Variants in BICD1 observed in about 807,000 individuals in gnomAD.
BICD1 encodes the protein BICD cargo adaptor 1, also known as protein bicaudal D homolog 1.
Under a neutral mutation model 92.5 loss-of-function variants are expected in BICD1, and 35 were observed. The ratio of observed to expected loss-of-function variants is 0.38; its 90% CI spans 0.29 to 0.50. BICD1 has a LOEUF of 0.50. Ranked by LOEUF, BICD1 falls within the 20% of genes least tolerant of loss-of-function variation. The pLI is 0.93. For missense variants in BICD1, 950 were observed against 1,189.8 expected (o/e 0.80, Z 2.97); for synonymous variants, 429 against 465.1 (o/e 0.92, Z 1.00).
At chr12:32,213,941 T>TTAGCAA (rs1278130063) in intron 1 of BICD1, among the ~76,000 whole-genome samples, 2 of 152,222 alleles carry the variant, frequency 1.3e-5, no homozygotes, top group African/African-American at 4.8e-5. Flanking sequence ...CTGTAACAGT[T>TTAGCAA]ATTAGTGTTT....
At chr12:32,286,204 T>G (rs1947560007) in intron 2 of BICD1, among the ~76,000 whole-genome samples, 1 of 152,204 alleles carries the variant, frequency 6.6e-6, no homozygotes, top group South Asian at 2.1e-4. Flanking sequence ...TTATGGTTAA[T>G]TCCCAGAGTA....
intron 8 of BICD1, among the ~76,000 whole-genome samples, chr12:32,355,611 G>C (rs1939064087): frequency 6.6e-6 from 1 of 152,126 alleles, no homozygotes; most frequent in Non-Finnish European, 1.5e-5. Context: ...AGACTAGCCT[G>C]GGCAACACGG....
At chr12:32,189,838 A>C (rs1168905562) in intron 1 of BICD1, among the ~76,000 whole-genome samples, 5 of 151,818 alleles carry the variant, frequency 3.3e-5, no homozygotes, top group African/African-American at 1.2e-4. Context: ...AGCTGGGACT[A>C]CAGGCACGCA....
intron 2 of BICD1, among the ~76,000 whole-genome samples, chr12:32,289,049 A>G (rs1438472213): frequency 6.6e-6 from 1 of 152,178 alleles, no homozygotes; most frequent in Non-Finnish European, 1.5e-5. Flanking sequence ...AAAGAGGAGT[A>G]TAGAAGCCTC....
intron 1 of BICD1, among the ~76,000 whole-genome samples, chr12:32,141,536 C>G (rs1942919647): frequency 6.6e-6 from 1 of 152,100 alleles, no homozygotes; most frequent in Non-Finnish European, 1.5e-5. Flanking sequence ...TGCAGTGGTG[C>G]AATCTCGGCT....
rs542831245 is a variant in BICD1, at chr12:32,107,937, C to G, written c.213+393C>G. On this transcript the variant is annotated intron_variant, in intron 1 of 9. Transcript: ENST00000652176. ...TCCACAAAAGTGATGAGGTTTGTGC[C>G]TGAGGACCCACAATTTCAGGATTTA... is the stretch of plus-strand genomic sequence containing the variant. 6.4e-5 allele frequency: 34 copies of G among 527,956 alleles called. No individual in the cohort carries two copies. In the African/African-American group the frequency reaches 6.5e-4, roughly 10 times the overall value. 32.7% of individuals were successfully genotyped at this position (527,956 alleles called of 1,614,324 possible).
rs532002821 is a variant in BICD1 at position 32,306,381 on chromosome 12, C to T, written c.1005+259C>T. Among the ~76,000 whole-genome samples the T allele has an allele frequency of 1.2e-4, 19 of 152,004 alleles. No homozygotes were observed. In the South Asian group the frequency reaches 1.3e-3, roughly 10 times the overall value. On this transcript the variant is annotated intron_variant, in intron 4 of 9. Transcript: ENST00000652176. ...GCCTCAGCCTCCCGAGTAGCTGGGACTACAGGTGCCCGCCACCATGCCCGG... is the reference window on the plus strand; with the variant it reads ...GCCTCAGCCTCCCGAGTAGCTGGGATTACAGGTGCCCGCCACCATGCCCGG...
chr12:32,142,430 A>C (rs1942960486), intron 1 of BICD1, among the ~76,000 whole-genome samples: 1 of 55,524 alleles, frequency 1.8e-5, no homozygotes, highest in South Asian at 7.1e-4. Flanking sequence ...AAAAAAAAAA[A>C]ACAAAAAACC....
At chr12:32,125,698 G>C (rs1942302175) in intron 1 of BICD1, among the ~76,000 whole-genome samples, 2 of 152,096 alleles carry the variant, frequency 1.3e-5, no homozygotes, top group Admixed American at 6.6e-5. Context: ...CGACTACTTG[G>C]TAAGGATGCT....
intron 3 of BICD1, among the ~76,000 whole-genome samples, chr12:32,295,565 T>C (rs1947844634): frequency 6.6e-6 from 1 of 151,878 alleles, no homozygotes; most frequent in East Asian, 1.9e-4. Context: ...ACTGATTGAT[T>C]GATTGATTGA....
At chr12:32,359,736 G>T (rs1194950892) in intron 8 of BICD1, among the ~76,000 whole-genome samples, 1 of 152,144 alleles carries the variant, frequency 6.6e-6, no homozygotes, top group South Asian at 2.1e-4. Flanking sequence ...CATGTTCTAT[G>T]ATAGCAATTG....
intron 3 of BICD1, 136 bp downstream of exon 3, chr12:32,294,282 C>T (rs2052771085): frequency 1.2e-6 from 1 of 862,116 alleles, no homozygotes; most frequent in African/African-American, 1.7e-5. Context: ...ACTGCAATGT[C>T]CCAACCCTCC....
intron 1 of BICD1, among the ~76,000 whole-genome samples, chr12:32,187,620 C>T (rs913983615): frequency 6.6e-6 from 1 of 151,858 alleles, no homozygotes; most frequent in Admixed American, 6.6e-5. Flanking sequence ...TGCAGTGAGC[C>T]AAGATTGTGC....
intron 8 of BICD1, among the ~76,000 whole-genome samples, chr12:32,351,594 G>C (rs1453211416): frequency 2.0e-5 from 3 of 149,848 alleles, no homozygotes; most frequent in African/African-American, 7.4e-5. Flanking sequence ...ATCTAGAGCA[G>C]GACTGTCATT....
intron 9 of BICD1, among the ~76,000 whole-genome samples, chr12:32,375,523 A>G (rs1033167914): frequency 6.6e-6 from 1 of 152,126 alleles, no homozygotes; most frequent in Non-Finnish European, 1.5e-5. Flanking sequence ...GTGAGATTCC[A>G]TATCAAAAAA....
intron 9 of BICD1, among the ~76,000 whole-genome samples, chr12:32,375,734 A>G (rs1038923424): frequency 2.6e-5 from 4 of 152,194 alleles, no homozygotes; most frequent in African/African-American, 9.7e-5. Flanking sequence ...AATAACCTCA[A>G]GCCAGTCAGA....
At chr12:32,144,221 T>A (rs1352794173) in intron 1 of BICD1, among the ~76,000 whole-genome samples, 2 of 152,226 alleles carry the variant, frequency 1.3e-5, no homozygotes, top group Non-Finnish European at 1.5e-5. Context: ...TCTTTCATAA[T>A]TAGTTCTTTA....
intron 1 of BICD1, chr12:32,108,700 A>C: frequency 2.9e-6 from 2 of 695,578 alleles, no homozygotes; most frequent in Non-Finnish European, 5.2e-6. Flanking sequence ...TTTAGTGTGT[A>C]ATATGGTAAG....
chr12:32,324,680 A>G (rs1207021414), intron 4 of BICD1, among the ~76,000 whole-genome samples: 2 of 151,956 alleles, frequency 1.3e-5, no homozygotes, highest in Non-Finnish European at 2.9e-5. Flanking sequence ...GGTTCAGGCA[A>G]TTCTCCTGCC....
Sources: allele counts gnomAD v4.1 joint callset (sites outside exome capture counted in the v4.1 genomes callset), GRCh38; gene constraint gnomAD v4.1.1; transcripts MANE v1.5; gene names NCBI Gene and HGNC (gene_info 2026-07-23, HGNC 2026-07-21).